Variants in RMND5B observed in about 807,000 individuals in gnomAD.
The protein encoded by RMND5B is required for meiotic nuclear division 5 homolog B, also known as E3 ubiquitin-protein transferase RMND5B.
RMND5B carries 42 observed loss-of-function variants against 50.4 expected under a neutral mutation model. The ratio of observed to expected loss-of-function variants is 0.83; its 90% CI spans 0.65 to 1.08. The LOEUF (loss-of-function observed/expected upper bound fraction) is 1.08. Among genes scored for constraint, RMND5B ranks in the 50% least tolerant of loss-of-function variants. The pLI is 0.00. For synonymous variants in RMND5B, 220 were observed against 210.0 expected (o/e 1.05, Z -0.41); for missense variants, 463 against 508.5 (o/e 0.91, Z 0.86).
chr5:178,144,182 G>A, intron 7 of RMND5B, 74 bp downstream of exon 7: 2 of 1,509,012 alleles, frequency 1.3e-6, no homozygotes, highest in Non-Finnish European at 1.8e-6. Flanking sequence ...ACATCAGGCT[G>A]CCAGTCCCTG....
At position 178,149,319 on chromosome 5, in the gene RMND5B, G is replaced by T; in HGVS notation, c.*1287G>T. The T allele has an allele frequency of 4.9e-6, 1 of 203,806 alleles. No individual in the cohort carries two copies. The highest frequency in any genetic ancestry group is 1.0e-5 in the Non-Finnish European group (1 of 97,636). The allele number at this position is 203,806 out of a possible 1,614,324, so 12.6% of individuals were successfully genotyped here. ...TTCTCAGCTTGAGCCAAAGCACCCG[G>T]CCCTGGGCAGCTGAGCATCAGCACA... On this transcript the variant is annotated 3_prime_UTR_variant, in exon 11 of 11. Transcript: ENST00000313386.
At chr5:178,146,328 A>T in intron 8 of RMND5B, 49 bp downstream of exon 8, 1 of 1,569,416 alleles carries the variant, frequency 6.4e-7, no homozygotes, top group East Asian at 2.3e-5. Flanking sequence ...GTAGAGAGGT[A>T]ATCATCATTT....
chr5:178,142,994 T>C lies in RMND5B; in HGVS notation c.426+2T>C. ...AGCGTGGCCGAGGAGCTGTGCCAGG[T>C]ACAGTCGGGCTGGGCGGGCGCAACA... On this transcript the variant is annotated splice_donor_variant, in intron 5 of 10. Coordinates refer to ENST00000313386, the MANE Select transcript of RMND5B (RefSeq NM_022762.5). LOFTEE classifies it high-confidence loss of function. 5 of 1,610,950 alleles carry C rather than the reference T, an allele frequency of 3.1e-6. No individual in the cohort carries two copies. The highest frequency in any genetic ancestry group is 1.1e-5 in the South Asian group (1 of 90,818).
Position 178,146,255 on chromosome 5 carries a change from C to A in RMND5B, c.836C>A (p.Ser279Tyr). The A allele has an allele frequency of 6.2e-7, 1 of 1,614,144 alleles. No individual in the cohort carries two copies. Among genetic ancestry groups the A allele is most frequent in the Non-Finnish European group, 8.5e-7 (1 of 1,180,002 alleles). ...GACGCCTGTTCCCTGCTGGGGCTTT[C>A]TGTGGAGTCCCCCCTTAGCGTCAGG... Reference protein sequence around the residue: ...TRDACSLLGLSVESPLSVSFA... With the variant: ...TRDACSLLGLYVESPLSVSFA... Residue 279 changes from serine (S) to tyrosine (Y), a missense_variant, in exon 8 of 11, where the codon TCT becomes TAT. Coordinates refer to ENST00000313386, the MANE Select transcript of RMND5B (RefSeq NM_022762.5).
At chr5:178,147,923 C>T in intron 10 of RMND5B, 40 bp downstream of exon 10, 1 of 1,614,122 alleles carries the variant, frequency 6.2e-7, no homozygotes, top group South Asian at 1.1e-5. Context: ...GCTTGGCTCT[C>T]CTACTGGCCA....
At chr5:178,134,907 G>A (rs926517174) in intron 2 of RMND5B, among the ~76,000 whole-genome samples, 1 of 151,038 alleles carries the variant, frequency 6.6e-6, no homozygotes, top group African/African-American at 2.4e-5. Context: ...GACCCGGGAG[G>A]TGGAGGTTGC....
Position 178,143,947 on chromosome 5 carries a change from C to G in RMND5B, c.533C>G (p.Ala178Gly), listed in dbSNP as rs147930447. Reference sequence around the variant, plus strand: ...ACTGGCCCCTTTCTTCCCAGATGGGCCGTCTCCCACAGGCAGCGCCTGCTG... The same window carrying G: ...ACTGGCCCCTTTCTTCCCAGATGGGGCGTCTCCCACAGGCAGCGCCTGCTG... ...EQDLGPALEWAVSHRQRLLEL... is the reference protein window; with the variant it reads ...EQDLGPALEWGVSHRQRLLEL... The change falls in exon 7 of 11, where the codon GCC becomes GGC. Residue 178 changes from alanine to glycine, a missense_variant. Ala to Gly is a moderately conservative substitution (Grantham distance 60). Transcript: ENST00000313386. 1 of 1,614,020 alleles carries G rather than the reference C, an allele frequency of 6.2e-7. No individual in the cohort carries two copies. Among genetic ancestry groups the G allele is most frequent in the African/African-American group, 1.3e-5 (1 of 74,950 alleles).
chr5:178,150,065 A>G lies in RMND5B; in HGVS notation c.*2033A>G, dbSNP rs566624258. On this transcript the variant is annotated 3_prime_UTR_variant, in exon 11 of 11. Transcript: ENST00000313386. ...TACATTCCCACATGGCAACTATGAA[A>G]GGGCTCCAGCCCAGCAGGGGCTGTC... The G allele has an allele frequency of 4.4e-6, 2 of 453,694 alleles. No homozygotes were observed. The highest frequency in any genetic ancestry group is 2.0e-5 in the African/African-American group (1 of 49,602). The allele number at this position is 453,694 out of a possible 1,614,324, so 28.1% of individuals were successfully genotyped here.
chr5:178,143,739 C>G lies in RMND5B; in HGVS notation c.527+12C>G. 6.3e-7 allele frequency: 1 copy of G among 1,599,708 alleles called. No individual in the cohort carries two copies. Among genetic ancestry groups the G allele is most frequent in the Non-Finnish European group, 8.6e-7 (1 of 1,166,860 alleles). On this transcript the variant is annotated intron_variant, in intron 6 of 10. Transcript: ENST00000313386. ...GGTCCTGCGTTGGAGTAAGGAGGCCCTTGGGTGGGCCAGCAGCATTCTGCT... is the reference window on the plus strand; with the variant it reads ...GGTCCTGCGTTGGAGTAAGGAGGCCGTTGGGTGGGCCAGCAGCATTCTGCT...
rs1342394285 is a variant in RMND5B at position 178,132,903 on chromosome 5, C to T, written c.-13+1527C>T. On this transcript the variant is annotated intron_variant, in intron 2 of 10. Transcript: ENST00000313386. ...TTTTTTTGAGACAGTCTCACTCTGT[C>T]GCCCAGGCTGGAGTGCAGTGGCGCC... 5.0e-5 allele frequency among the ~76,000 whole-genome samples: 7 copies of T among 140,654 alleles called. No individual in the cohort carries two copies. In the East Asian group the frequency reaches 1.1e-3, roughly 23 times the overall value. 92.3% of individuals were successfully genotyped at this position (140,654 alleles called of 152,430 possible).
intron 5 of RMND5B, 92 bp downstream of exon 5, chr5:178,143,084 C>T: frequency 7.1e-7 from 1 of 1,413,764 alleles, no homozygotes; most frequent in East Asian, 2.3e-5. Context: ...TTCTCAAATC[C>T]ATTTATTTCC....
intron 5 of RMND5B, 93 bp from the exon 6 acceptor site, chr5:178,143,534 G>T (rs973714067): frequency 9.0e-6 from 9 of 1,002,936 alleles, no homozygotes; most frequent in Non-Finnish European, 1.2e-5. Context: ...TCTCTGGCCT[G>T]TCTTTGGCGG....
At position 178,138,558 on chromosome 5, in the gene RMND5B, G is replaced by A. The variant is rs1012682784; in HGVS notation, c.139+300G>A. Among the ~76,000 whole-genome samples the A allele has an allele frequency of 2.1e-5, 3 of 142,604 alleles. No homozygotes were observed. Among genetic ancestry groups the A allele is most frequent in the Non-Finnish European group, 1.6e-5 (1 of 64,370 alleles). The allele number at this position is 142,604 out of a possible 152,430, so 93.6% of individuals were successfully genotyped here. The stretch of plus-strand genomic sequence containing the variant: ...GTGTGTGTGTGTGTGTAGAAACAGT[G>A]TCTTTGTTGCCTAGGCTGGTCTTTA... On this transcript the variant is annotated intron_variant, in intron 3 of 10. Transcript: ENST00000313386. This position sits in a 1 kb window ranked among gnomAD's most constrained non-coding sequence, Gnocchi z 5.1.
rs1756005194 is a variant in RMND5B, at chr5:178,146,295, G to A, written c.860+16G>A. ...TTAGCGTCAGGTACAACCCAGCCCT[G>A]TGAGGGCAGCACAGGTGGGAGGGTA... On this transcript the variant is annotated intron_variant, in intron 8 of 10. Coordinates refer to ENST00000313386, the MANE Select transcript of RMND5B (RefSeq NM_022762.5). 1 of 1,611,836 alleles carries A rather than the reference G, an allele frequency of 6.2e-7. No individual in the cohort carries two copies.
intron 6 of RMND5B, 72 bp downstream of exon 6, chr5:178,143,799 T>C: frequency 6.8e-7 from 1 of 1,467,854 alleles, no homozygotes; most frequent in Non-Finnish European, 9.5e-7. Context: ...GACTGTGGTC[T>C]TCATTTCACC....
chr5:178,133,911 C>T (rs373878192), intron 2 of RMND5B, among the ~76,000 whole-genome samples: 4 of 152,086 alleles, frequency 2.6e-5, no homozygotes, highest in East Asian at 1.9e-4. Flanking sequence ...GATGGGGTTT[C>T]ACCGTGTTAG....
Position 178,143,943 on chromosome 5 carries a change from T to C in RMND5B, c.529T>C (p.Trp177Arg), listed in dbSNP as rs973133745. The change falls in exon 7 of 11, where the codon TGG becomes CGG. Residue 177 changes from tryptophan to arginine, a missense_variant and splice_region_variant. Physicochemically the swap from Trp to Arg is moderately radical, Grantham distance 101. Transcript: ENST00000313386. ...HEQDLGPALE[W>R]AVSHRQRLLE... The stretch of plus-strand genomic sequence containing the variant: ...CTAAACTGGCCCCTTTCTTCCCAGA[T>C]GGGCCGTCTCCCACAGGCAGCGCCT... 6.2e-6 allele frequency: 10 copies of C among 1,614,038 alleles called. No individual in the cohort carries two copies. The highest frequency in any genetic ancestry group is 8.5e-6 in the Non-Finnish European group (10 of 1,179,990).
In RMND5B at chr5:178,147,515, C is replaced by G. The variant is rs1756083894; in HGVS notation, c.861-18C>G. The G allele has an allele frequency of 6.2e-7, 1 of 1,610,246 alleles. No individual in the cohort carries two copies. The highest frequency in any genetic ancestry group is 1.7e-5 in the Admixed American group (1 of 59,604). ...TGCTGTGATCTGAGCCACTCTAGCC[C>G]CTGTTCCTTGTCTGCAGCTTTGCCT... On this transcript the variant is annotated intron_variant, in intron 8 of 10. Coordinates refer to ENST00000313386, the MANE Select transcript of RMND5B (RefSeq NM_022762.5).
chr5:178,135,521 G>A (rs1266374312), intron 2 of RMND5B, among the ~76,000 whole-genome samples: 2 of 152,128 alleles, frequency 1.3e-5, no homozygotes, highest in African/African-American at 4.8e-5. Flanking sequence ...GTTGCTCTGG[G>A]TATATTTGGG....
Sources: gnomAD v4.1 joint callset for allele counts (sites outside exome capture counted in the v4.1 genomes callset) on GRCh38, gnomAD v4.1.1 for gene constraint, Gnocchi (gnomAD v3.1) non-coding constraint, MANE v1.5 for transcripts, NCBI Gene and HGNC (gene_info 2026-07-23, HGNC 2026-07-21) for gene names.